DMD: variants seen among roughly 807,000 people sequenced by gnomAD.
DMD encodes dystrophin, also known as mutant dystrophin.
In DMD, 63 loss-of-function variants were observed where a neutral mutation model predicts 330.1. The ratio of observed to expected loss-of-function variants is 0.19; its 90% CI spans 0.16 to 0.24. The LOEUF (loss-of-function observed/expected upper bound fraction) is 0.24. Among genes scored for constraint, DMD ranks in the 10% least tolerant of loss-of-function variants. The pLI is 1.00. For missense variants in DMD, 3,344 were observed against 2,684.1 expected (o/e 1.25, Z -5.43); for synonymous variants, 1,223 against 959.8 (o/e 1.27, Z -5.07).
intron 60 of DMD, among the ~76,000 whole-genome samples, chrX:31,381,799 G>A (rs1051674009): frequency 3.2e-4 from 36 of 111,618 alleles, no homozygotes; most frequent in African/African-American, 1.0e-3. Flanking sequence ...CCTTTCCATC[G>A]TGGAAATCTA....
At chrX:32,458,852 A>C (rs746756324) in intron 25 of DMD, among the ~76,000 whole-genome samples, 16 of 111,002 alleles carry the variant, frequency 1.4e-4, no homozygotes, top group Non-Finnish European at 3.0e-4. Context: ...TTTCAGTTTT[A>C]TTTTTGCTAT....
chrX:31,764,436 C>A (rs1462354823), intron 51 of DMD, among the ~76,000 whole-genome samples: 1 of 111,557 alleles, frequency 9.0e-6, no homozygotes, highest in East Asian at 2.8e-4. Context: ...TATAACATGA[C>A]AGAAAGCTTA....
intron 1 of DMD, 60 bp downstream of exon 1, chrX:33,211,222 C>T (rs780320400): frequency 1.4e-5 from 16 of 1,169,816 alleles, no homozygotes; most frequent in Middle Eastern, 2.4e-4. Context: ...AATTAGTGAG[C>T]TTGTCACAAA....
At chrX:32,080,458 A>G (rs1031828335) in intron 44 of DMD, among the ~76,000 whole-genome samples, 3 of 112,779 alleles carry the variant, frequency 2.7e-5, no homozygotes, top group Admixed American at 9.4e-5. Flanking sequence ...AGTTATGTAA[A>G]TACCCAGAAG....
chrX:31,193,720 C>T (rs746853454), intron 67 of DMD, among the ~76,000 whole-genome samples: 10 of 111,666 alleles, frequency 9.0e-5, no homozygotes, highest in Non-Finnish European at 1.7e-4. Flanking sequence ...CCAATAGGAA[C>T]AAAATGTTAT....
chrX:32,413,912 G>C (rs1357965005), intron 29 of DMD, among the ~76,000 whole-genome samples: 1 of 108,873 alleles, frequency 9.2e-6, no homozygotes, highest in Non-Finnish European at 1.9e-5. Flanking sequence ...GTAGAGACAG[G>C]GTTTCACCAA....
intron 41 of DMD, among the ~76,000 whole-genome samples, chrX:32,329,825 T>G (rs1308723582): frequency 2.7e-5 from 3 of 112,652 alleles, no homozygotes; most frequent in East Asian, 5.6e-4. Flanking sequence ...TGGCGAGAAG[T>G]GCCCATGCAC....
At chrX:32,790,286 A>T (rs1350687164) in intron 7 of DMD, among the ~76,000 whole-genome samples, 1 of 112,217 alleles carries the variant, frequency 8.9e-6, no homozygotes, top group Non-Finnish European at 1.9e-5. Flanking sequence ...GAGATTGGCT[A>T]GGAGTCTGGA....
intron 43 of DMD, among the ~76,000 whole-genome samples, chrX:32,256,311 TG>T (rs1266589772): frequency 2.2e-5 from 2 of 89,942 alleles, no homozygotes; most frequent in African/African-American, 9.3e-5. Flanking sequence ...TTGTAACCCC[TG>T]TTTTTTTTTT....
At position 32,951,877 on chromosome X, in the gene DMD, C is replaced by A. The variant is rs747272615; in HGVS notation, c.93+68262G>T. 1.6e-4 allele frequency among the ~76,000 whole-genome samples: 18 copies of A among 111,553 alleles called. No homozygotes were observed. The East Asian group carries it at 5.1e-3, about 31-fold the overall frequency. ...CCCAAATAGAATTATTTATGAGAAA[C>A]CTTAACGCAAATAAAGATACTAAGC... On this transcript the variant is annotated intron_variant, in intron 2 of 78. Transcript: ENST00000357033.
At chrX:31,711,914 T>A (rs1030903655) in intron 52 of DMD, among the ~76,000 whole-genome samples, 4 of 111,264 alleles carry the variant, frequency 3.6e-5, no homozygotes, top group African/African-American at 9.8e-5. Context: ...ATTATGAGGA[T>A]TTTAAAGTAC....
At chrX:33,038,228 C>A (rs67536625) in intron 1 of DMD, among the ~76,000 whole-genome samples, 6,595 of 111,681 alleles carry the variant, frequency 0.059, 475 homozygotes, top group African/African-American at 0.2. Context: ...TTCTTGGTTA[C>A]TTTTTGGTTA....
intron 43 of DMD, among the ~76,000 whole-genome samples, chrX:32,248,406 TATC>T (rs1264973111): frequency 2.7e-5 from 3 of 111,438 alleles, no homozygotes; most frequent in Non-Finnish European, 5.7e-5. Context: ...TAAACCATCT[TATC>T]ATATTCTTTT....
chrX:32,669,703 G>A (rs1194976444), intron 9 of DMD, among the ~76,000 whole-genome samples: 3 of 111,384 alleles, frequency 2.7e-5, no homozygotes, highest in Non-Finnish European at 3.8e-5. Context: ...AACTCAGCAT[G>A]GCCCTTTTTG....
intron 2 of DMD, among the ~76,000 whole-genome samples, chrX:32,855,115 A>C (rs1156901976): frequency 8.9e-6 from 1 of 112,125 alleles, no homozygotes; most frequent in African/African-American, 3.2e-5. Flanking sequence ...GCATTTGATA[A>C]AAATTCAACA....
At chrX:31,928,194 G>T (rs1431612063) in intron 47 of DMD, among the ~76,000 whole-genome samples, 1 of 111,903 alleles carries the variant, frequency 8.9e-6, no homozygotes, top group Non-Finnish European at 1.9e-5. Flanking sequence ...TTATATAAAA[G>T]ATCTAGAATA....
chrX:32,903,223 T>C (rs1391250157), intron 2 of DMD, among the ~76,000 whole-genome samples: 1 of 101,614 alleles, frequency 9.8e-6, no homozygotes. Flanking sequence ...AGTACAAAGA[T>C]AATGTAACTA....
At chrX:33,225,400 T>C (rs1257388260) in intron 1 of DMD, among the ~76,000 whole-genome samples, 1 of 111,386 alleles carries the variant, frequency 9.0e-6, no homozygotes, top group African/African-American at 3.3e-5. Flanking sequence ...ACTTCAGAAA[T>C]AGACCCACAC....
At chrX:32,596,417 G>A (rs2055540286) in intron 12 of DMD, among the ~76,000 whole-genome samples, 1 of 111,319 alleles carries the variant, frequency 9.0e-6, no homozygotes, top group East Asian at 2.8e-4. Context: ...CAACTTTCAT[G>A]TTCCTAAATT....
Sources: gnomAD v4.1 joint callset for allele counts (sites outside exome capture counted in the v4.1 genomes callset) on GRCh38, gnomAD v4.1.1 for gene constraint, MANE v1.5 for transcripts, NCBI Gene and HGNC (gene_info 2026-07-23, HGNC 2026-07-21) for gene names.